Variants in MRPL9 observed in about 807,000 individuals in gnomAD.
MRPL9 encodes the protein mitochondrial ribosomal protein L9.
A neutral mutation model predicts 27.6 loss-of-function variants in MRPL9; 25 were observed. That is an observed-to-expected ratio of 0.91 (90% confidence interval 0.66 to 1.27). MRPL9 has a LOEUF of 1.27. Ranked by LOEUF, MRPL9 falls within the 50% of genes most tolerant of loss-of-function variation. MRPL9 has a pLI of 0.00. For synonymous variants in MRPL9, 154 were observed against 139.0 expected (o/e 1.11, Z -0.76); for missense variants, 362 against 338.0 (o/e 1.07, Z -0.56).
rs929412687 is a variant in MRPL9, at chr1:151,759,749, T to G, written c.*301A>C. 3.6e-6 allele frequency: 1 copy of G among 274,262 alleles called. No homozygotes were observed. The highest frequency in any genetic ancestry group is 6.8e-6 in the Non-Finnish European group (1 of 147,674). The allele number at this position is 274,262 out of a possible 1,614,324, so 17.0% of individuals were successfully genotyped here. A position where few individuals can be genotyped will look rare whatever the true frequency, so the allele number is the denominator to read the frequency against. The stretch of plus-strand genomic sequence containing the variant: ...GGAGACAATGGCTGGCTCTCCTGTT[T>G]GTCCCAATAAACTCCAATGGAGGAA... On this transcript the variant is annotated 3_prime_UTR_variant, in exon 7 of 7. Transcript: ENST00000368830.
At chr1:151,763,220 C>G in intron 1 of MRPL9, 74 bp from the exon 2 acceptor site, 2 of 1,552,958 alleles carry the variant, frequency 1.3e-6, no homozygotes, top group Non-Finnish European at 1.7e-6. Context: ...GCCGCCAGCC[C>G]CTCAAGGAAA....
Position 151,763,147 on chromosome 1 carries a change from C to T in MRPL9, c.154-1G>A. On this transcript the variant is annotated splice_acceptor_variant, in intron 1 of 6. Coordinates refer to ENST00000368830, the MANE Select transcript of MRPL9 (RefSeq NM_031420.4). LOFTEE classifies it high-confidence loss of function. ...ACCAGCGCTCCACGATGACCGTGCC[C>T]TGGCGGCCAGGAAAGCGACGGTAAG... 1 of 1,612,618 alleles carries T rather than the reference C, an allele frequency of 6.2e-7. No homozygotes were observed. Among genetic ancestry groups the T allele is most frequent in the Non-Finnish European group, 8.5e-7 (1 of 1,178,948 alleles).
Position 151,760,079 on chromosome 1 carries a change from C to A in MRPL9, c.775G>T (p.Ala259Ser). The A allele has an allele frequency of 1.2e-6, 2 of 1,614,094 alleles. No homozygotes were observed. Among genetic ancestry groups the A allele is most frequent in the Non-Finnish European group, 1.7e-6 (2 of 1,180,008 alleles). ...KYWLAQQAAK[A>S]MAPTSPQI Reference sequence around the variant, plus strand: ...ATCTGGGGGCTGGTGGGGGCCATAGCCTTGGCAGCTTGCTGGGCTAACCAG... The same window carrying A: ...ATCTGGGGGCTGGTGGGGGCCATAGACTTGGCAGCTTGCTGGGCTAACCAG... Residue 259 changes from alanine to serine, a missense_variant, in exon 7 of 7, where the codon GCT (alanine) becomes TCT (serine). Transcript: ENST00000368830.
Position 151,760,986 on chromosome 1 carries a change from G to T in MRPL9, c.589-87C>A, listed in dbSNP as rs1571961027. On this transcript the variant is annotated intron_variant, in intron 5 of 6. Transcript: ENST00000368830. ...CACTCTAGGGAACCTCATAAAGAGG[G>T]TTACAGGATTCCCTGCACAGGGATG... The T allele has an allele frequency of 8.9e-6, 11 of 1,238,474 alleles. No homozygotes were observed. The East Asian group carries it at 2.7e-4, about 30-fold the overall frequency. 76.7% of individuals were successfully genotyped at this position (1,238,474 alleles called of 1,614,324 possible).
intron 4 of MRPL9, 30 bp downstream of exon 4, chr1:151,762,075 C>G: frequency 6.2e-7 from 1 of 1,612,544 alleles, no homozygotes; most frequent in South Asian, 1.1e-5. Flanking sequence ...AGTCTTGTGA[C>G]AAATAAACAC....
chr1:151,762,121 G>A lies in MRPL9; in HGVS notation c.470C>T (p.Thr157Ile), dbSNP rs769010277. ...TCTACTCACCGCCTCACCTGCCTTG[G>A]TCTGGATCTTCTCTAATTTTCCTTC... ...RQEGKLEKIQ[T>I]KAGEATVKFL... Residue 157 changes from threonine (T) to isoleucine (I), a missense_variant, in exon 4 of 7, where the codon ACC becomes ATC. Physicochemically the swap from Thr to Ile is moderately conservative, Grantham distance 89. Transcript: ENST00000368830. The A allele has an allele frequency of 5.4e-5, 87 of 1,614,022 alleles. No homozygotes were observed. Among genetic ancestry groups the A allele is most frequent in the South Asian group, 8.8e-5 (8 of 91,088 alleles).
intron 5 of MRPL9, 105 bp downstream of exon 5, chr1:151,761,346 C>A (rs191689388): frequency 2.1e-5 from 17 of 805,548 alleles, no homozygotes; most frequent in Non-Finnish European, 3.7e-5. Context: ...TTAACTACAA[C>A]TGGATGATCA....
rs1553276940 is a variant in MRPL9 at position 151,760,916 on chromosome 1, A to AT, written c.589-18_589-17insA. On this transcript the variant is annotated splice_polypyrimidine_tract_variant and intron_variant, in intron 5 of 6. Transcript: ENST00000368830. ...AACACCAAGCTGCAAAAAAAAAAAAAAAAAAAAAAATCTCAGCTCAAATGA... is the reference window on the plus strand; with the variant it reads ...AACACCAAGCTGCAAAAAAAAAAAAATAAAAAAAAAATCTCAGCTCAAATGA... The AT allele has an allele frequency of 2.6e-6, 4 of 1,551,218 alleles. No individual in the cohort carries two copies. In the African/African-American group the frequency reaches 5.7e-5, roughly 22 times the overall value.
At chr1:151,763,207 A>T (rs1200095182) in intron 1 of MRPL9, 61 bp from the exon 2 acceptor site, 1 of 1,563,588 alleles carries the variant, frequency 6.4e-7, no homozygotes, top group Non-Finnish European at 8.7e-7. Context: ...TCCCTCCACC[A>T]CGGCCGCCAG....
Position 151,763,453 on chromosome 1 carries a change from CG to C in MRPL9, c.26del (p.Pro9ArgfsTer90). The stretch of plus-strand genomic sequence containing the variant: ...CGCCCGCCCGCAGCAGAGCTCTGCC[CG>C]GGGCCGTGACAACGGGCGCCGCCAT... Reference protein sequence around the residue: MAAPVVTAPGRALLRAGAG... With the variant: MAAPVVTAXGRALLRAGAG... On this transcript the variant is annotated frameshift_variant, in exon 1 of 7. Transcript: ENST00000368830. LOFTEE classifies it high-confidence loss of function. The C allele has an allele frequency of 1.3e-6, 2 of 1,573,772 alleles. No individual in the cohort carries two copies. Among genetic ancestry groups the C allele is most frequent in the African/African-American group, 1.3e-5 (1 of 74,206 alleles).
At position 151,763,354 on chromosome 1, in the gene MRPL9, G is replaced by A. The variant is rs1277725749; in HGVS notation, c.126C>T (p.Ala42=). The A allele has an allele frequency of 6.3e-7, 1 of 1,582,668 alleles. No individual in the cohort carries two copies. The highest frequency in any genetic ancestry group is 8.6e-7 in the Non-Finnish European group (1 of 1,163,038). Residue 42 remains alanine (A), a synonymous_variant, in exon 1 of 7, where the codon GCC becomes GCT. Coordinates refer to ENST00000368830, the MANE Select transcript of MRPL9 (RefSeq NM_031420.4). ...GATTTTGAGAAAGGCTGAAGTTGCA[G>A]GCCAGGTCAGGGGCGTTCCCTTCAT... ...PRHEGNAPDL[A]CNFSLSQNRG... is the part of the protein sequence containing the mutation.
chr1:151,762,059 T>A (rs769497049), intron 4 of MRPL9, 46 bp downstream of exon 4: 35 of 1,588,908 alleles, frequency 2.2e-5, no homozygotes, highest in Non-Finnish European at 2.4e-5. Flanking sequence ...CAGGGTGAGG[T>A]TGGTAAGTCT....
chr1:151,762,075 C>CAAAT, intron 4 of MRPL9, 30 bp downstream of exon 4: 1 of 1,612,544 alleles, frequency 6.2e-7, no homozygotes. Flanking sequence ...AGTCTTGTGA[C>CAAAT]AAATAAACAC....
rs1304816225 is a variant in MRPL9 at position 151,763,386 on chromosome 1, G to A, written c.94C>T (p.Pro32Ser). The change falls in exon 1 of 7, where the codon CCG (proline) becomes TCG (serine). Residue 32 changes from proline (P) to serine (S), a missense_variant. Pro to Ser is a moderately conservative substitution (Grantham distance 74). Transcript: ENST00000368830. The stretch of plus-strand genomic sequence containing the variant: ...TCAGGGGCGTTCCCTTCATGTCGCG[G>A]CCGCAGTAGCTCCTGGACGCCTCCC... ...LRGGVQELLR[P>S]RHEGNAPDLA... The A allele has an allele frequency of 6.4e-7, 1 of 1,568,168 alleles. No individual in the cohort carries two copies. The highest frequency in any genetic ancestry group is 1.2e-5 in the South Asian group (1 of 85,740).
At chr1:151,761,388 G>T in intron 5 of MRPL9, 63 bp downstream of exon 5, 3 of 1,121,250 alleles carry the variant, frequency 2.7e-6, no homozygotes, top group Non-Finnish European at 4.1e-6. Context: ...TCAATCCCAG[G>T]CCTCCTTTCC....
At chr1:151,762,826 C>G (rs1483790365) in intron 2 of MRPL9, 164 bp downstream of exon 2, 2 of 867,822 alleles carry the variant, frequency 2.3e-6, no homozygotes, top group Admixed American at 4.8e-5. Context: ...TGCTGGAGGC[C>G]AGTGTCACAA....
Position 151,762,509 on chromosome 1 carries a change from T to C in MRPL9, c.311-9A>G, listed in dbSNP as rs79704294. On this transcript the variant is annotated splice_polypyrimidine_tract_variant and intron_variant, in intron 2 of 6. Coordinates refer to ENST00000368830, the MANE Select transcript of MRPL9 (RefSeq NM_031420.4). ...ACCCCGGACTCCAACATCTGTCAAT[T>C]AGAACAGAGACAGGGGAATTAGAAC... 1.5e-3 allele frequency: 2,346 copies of C among 1,613,636 alleles called. 32 individuals are homozygous for C. The African/African-American group carries it at 0.028, about 19-fold the overall frequency.
In MRPL9 at chr1:151,760,833, A is replaced by G; in HGVS notation, c.655T>C (p.Tyr219His). 6.3e-7 allele frequency: 1 copy of G among 1,591,470 alleles called. No individual in the cohort carries two copies. The highest frequency in any genetic ancestry group is 8.5e-7 in the Non-Finnish European group (1 of 1,173,798). The change falls in exon 6 of 7, where the codon TAT (tyrosine) becomes CAT (histidine). Residue 219 changes from tyrosine to histidine, a missense_variant. Coordinates refer to ENST00000368830, the MANE Select transcript of MRPL9 (RefSeq NM_031420.4). ...ACACTCACCGTCACCTCACACCAAT[A>G]CTCGCCCCACCGTGTGATAGGCTCT... Reference protein sequence around the residue: ...PEEPITRWGEYWCEVTVNGLD... With the variant: ...PEEPITRWGEHWCEVTVNGLD...
chr1:151,763,270 C>A, intron 1 of MRPL9, 57 bp downstream of exon 1: 2 of 1,547,346 alleles, frequency 1.3e-6, no homozygotes, highest in Admixed American at 1.9e-5. Flanking sequence ...GGTCCCAGTG[C>A]GCCTCCAGAA....
Sources: gnomAD v4.1 joint callset for allele counts on GRCh38, gnomAD v4.1.1 for gene constraint, MANE v1.5 for transcripts, NCBI Gene and HGNC (gene_info 2026-07-23, HGNC 2026-07-21) for gene names.